Variants in FGL1 observed in about 807,000 individuals in gnomAD.
FGL1 encodes the protein fibrinogen-like protein 1.
Under a neutral mutation model 43.7 loss-of-function variants are expected in FGL1, and 59 were observed. The observed-to-expected ratio is 1.35, with a 90% CI of 1.10 to 1.68. The LOEUF is 1.68. Ranked by LOEUF, FGL1 falls within the 40% of genes most tolerant of loss-of-function variation. The probability of loss-of-function intolerance (pLI) is 0.00; values close to 1 mark genes in which losing one functional copy is unlikely to be tolerated. For missense variants in FGL1, 596 were observed against 373.0 expected (o/e 1.60, Z -4.92); for synonymous variants, 192 against 126.5 (o/e 1.52, Z -3.48).
At chr8:17,870,144 T>C (rs566136759) in intron 5 of FGL1, among the ~76,000 whole-genome samples, 54 of 152,070 alleles carry the variant, frequency 3.6e-4, no homozygotes, top group Admixed American at 6.5e-4. Flanking sequence ...AAGAATACAA[T>C]GTATTGGGTA....
At position 17,868,699 on chromosome 8, in the gene FGL1, T is replaced by C. The variant is rs769617667; in HGVS notation, c.628A>G (p.Thr210Ala). The part of the protein sequence containing the change: ...YELNIGEYSG[T>A]AGDSLAGNFH... ...TTCCCCGCAAGGGAATCTCCAGCTGTTCCAGAATATTCCCCAATATTCAAC... is the reference window on the plus strand; with the variant it reads ...TTCCCCGCAAGGGAATCTCCAGCTGCTCCAGAATATTCCCCAATATTCAAC... The change falls in exon 7 of 8, where the codon ACA becomes GCA. Residue 210 changes from threonine to alanine, a missense_variant. Physicochemically the swap from Thr to Ala is moderately conservative, Grantham distance 58. Coordinates refer to ENST00000427924, the MANE Select transcript of FGL1 (RefSeq NM_004467.4). 1 of 1,613,384 alleles carries C rather than the reference T, an allele frequency of 6.2e-7. No homozygotes were observed. Among genetic ancestry groups the C allele is most frequent in the South Asian group, 1.1e-5 (1 of 90,912 alleles).
chr8:17,888,407 T>C (rs1217068997), intron 1 of FGL1, among the ~76,000 whole-genome samples: 1 of 152,202 alleles, frequency 6.6e-6, no homozygotes, highest in Non-Finnish European at 1.5e-5. Context: ...TCATTTTCTT[T>C]AAGATAAAAA....
At position 17,868,591 on chromosome 8, in the gene FGL1, C is replaced by G; in HGVS notation, c.736G>C (p.Gly246Arg). ...GACTGATCTTCTTCTGCGCAGTTCC[C>G]TTCATAGTTGTCATGATCTCTGTCC... ...TWDRDHDNYE[G>R]NCAEEDQSGW... Residue 246 changes from glycine (G) to arginine (R), a missense_variant, in exon 7 of 8, where the codon GGG becomes CGG. Transcript: ENST00000427924. 6.2e-7 allele frequency: 1 copy of G among 1,613,950 alleles called. No individual in the cohort carries two copies. Among genetic ancestry groups the G allele is most frequent in the Non-Finnish European group, 8.5e-7 (1 of 1,179,958 alleles).
In FGL1 at chr8:17,883,638, C is replaced by G. The variant is rs190087611; in HGVS notation, c.64-1459G>C. On this transcript the variant is annotated intron_variant, in intron 2 of 7. Transcript: ENST00000427924. ...TATATAGTATATATTATATCAAATA[C>G]ATATGCATATATAATACATTTATAT... is the stretch of plus-strand genomic sequence containing the variant. 5.7e-3 allele frequency among the ~76,000 whole-genome samples: 823 copies of G among 143,348 alleles called. 16 individuals carry two copies. The highest frequency in any genetic ancestry group is 0.019 in the African/African-American group (754 of 39,122). The allele number at this position is 143,348 out of a possible 152,430, so 94.0% of individuals were successfully genotyped here.
chr8:17,885,080 G>A (rs894406571), intron 2 of FGL1, among the ~76,000 whole-genome samples: 1 of 149,002 alleles, frequency 6.7e-6, no homozygotes, highest in Non-Finnish European at 1.5e-5. Flanking sequence ...TCACTCTGTC[G>A]CCCAGGCTGG....
At chr8:17,867,125 G>C (rs952296565) in intron 7 of FGL1, among the ~76,000 whole-genome samples, 1 of 152,154 alleles carries the variant, frequency 6.6e-6, no homozygotes, top group Admixed American at 6.6e-5. Context: ...AACAGCAGTA[G>C]TACTCCCTTA....
intron 7 of FGL1, among the ~76,000 whole-genome samples, chr8:17,865,632 G>A (rs2053259648): frequency 6.6e-6 from 1 of 152,066 alleles, no homozygotes; most frequent in Non-Finnish European, 1.5e-5. Context: ...TCCTCCTTTG[G>A]AGTCTGTAAA....
chr8:17,868,552 T>C lies in FGL1; in HGVS notation c.775A>G (p.Asn259Asp). 6.2e-7 allele frequency: 1 copy of C among 1,610,170 alleles called. No individual in the cohort carries two copies. The highest frequency in any genetic ancestry group is 8.5e-7 in the Non-Finnish European group (1 of 1,178,480). ...AEEDQSGWWF[N>D]RCHSANLNGV... Reference sequence around the variant, plus strand: ...TATGCTCATAAGACATCAAACCTGTTAAACCACCAGCCAGACTGATCTTCT... The same window carrying C: ...TATGCTCATAAGACATCAAACCTGTCAAACCACCAGCCAGACTGATCTTCT... Residue 259 changes from asparagine (N) to aspartate (D), a missense_variant, in exon 7 of 8, where the codon AAC becomes GAC. Physicochemically the swap from Asn to Asp is conservative, Grantham distance 23. Transcript: ENST00000427924.
At chr8:17,886,647 A>G (rs193095497) in intron 1 of FGL1, among the ~76,000 whole-genome samples, 3 of 151,958 alleles carry the variant, frequency 2.0e-5, no homozygotes, top group Admixed American at 2.0e-4. Context: ...ACTCCCAGCC[A>G]CTCGGGAGGC....
chr8:17,869,967 G>T (rs1240673710), intron 5 of FGL1, among the ~76,000 whole-genome samples: 1 of 152,060 alleles, frequency 6.6e-6, no homozygotes, highest in Admixed American at 6.6e-5. Context: ...AAAATTAGCC[G>T]GGCATGGTGG....
chr8:17,874,647 T>C (rs2053418315), intron 3 of FGL1, 126 bp from the exon 4 acceptor site: 1 of 588,300 alleles, frequency 1.7e-6, no homozygotes, highest in Non-Finnish European at 2.6e-6. Context: ...GAAATCAGCG[T>C]TTTAAAATTG....
chr8:17,886,546 T>C (rs1483592249), intron 1 of FGL1, among the ~76,000 whole-genome samples: 1 of 151,942 alleles, frequency 6.6e-6, no homozygotes, highest in South Asian at 2.1e-4. Flanking sequence ...TCACTCGAGG[T>C]CAGGAGCTCG....
intron 5 of FGL1, among the ~76,000 whole-genome samples, chr8:17,873,410 T>C (rs758493116): frequency 1.3e-5 from 2 of 152,118 alleles, no homozygotes; most frequent in Non-Finnish European, 2.9e-5. Context: ...AGGAAGTTGA[T>C]GGCAGACTCA....
At position 17,874,055 on chromosome 8, in the gene FGL1, G is replaced by C. The variant is rs1170628305; in HGVS notation, c.466C>G (p.Leu156Val). The C allele has an allele frequency of 1.2e-6, 2 of 1,610,946 alleles. No individual in the cohort carries two copies. Among genetic ancestry groups the C allele is most frequent in the Non-Finnish European group, 1.7e-6 (2 of 1,179,164 alleles). ...NFVQKHGEYW[L>V]GNKNLHFLTT... is the part of the protein sequence containing the mutation. ...AAGAAGTGAAGATTTTTATTGCCCA[G>C]CCAATATTCACCATGTTTTTGGACA... The change falls in exon 5 of 8, where the codon CTG (leucine) becomes GTG (valine). Residue 156 changes from leucine (L) to valine (V), a missense_variant. Transcript: ENST00000427924.
At chr8:17,864,864 A>AT in intron 7 of FGL1, 113 bp from the exon 8 acceptor site, 1 of 882,860 alleles carries the variant, frequency 1.1e-6, no homozygotes, top group South Asian at 4.5e-5. Flanking sequence ...GAATTCTGCC[A>AT]TTTTTCAGAC....
intron 5 of FGL1, among the ~76,000 whole-genome samples, chr8:17,870,861 G>A (rs567432566): frequency 2.0e-5 from 3 of 151,716 alleles, no homozygotes; most frequent in East Asian, 2.0e-4. Context: ...AGCCGAGATC[G>A]CGCCACTGCA....
chr8:17,866,530 C>G (rs989585189), intron 7 of FGL1, among the ~76,000 whole-genome samples: 1 of 152,186 alleles, frequency 6.6e-6, no homozygotes, highest in East Asian at 1.9e-4. Flanking sequence ...CTTTCTCTCC[C>G]TTAATGCCTA....
intron 5 of FGL1, among the ~76,000 whole-genome samples, 173 bp from the exon 6 acceptor site, chr8:17,869,177 C>T (rs530738953): frequency 1.3e-5 from 2 of 151,700 alleles, no homozygotes; most frequent in South Asian, 2.1e-4. Context: ...AACATTTTAT[C>T]GTGTAATTTA....
intron 3 of FGL1, among the ~76,000 whole-genome samples, chr8:17,878,334 T>C (rs377451363): frequency 7.9e-5 from 12 of 152,218 alleles, no homozygotes; most frequent in African/African-American, 2.2e-4. Context: ...AGATGGGGAA[T>C]ATGGGACACA....
Sources: allele counts gnomAD v4.1 joint callset (sites outside exome capture counted in the v4.1 genomes callset), GRCh38; gene constraint gnomAD v4.1.1; transcripts MANE v1.5; gene names NCBI Gene and HGNC (gene_info 2026-07-23, HGNC 2026-07-21).